The following PRELID2 variants were observed in gnomAD, a reference collection of about 807,000 sequenced individuals.
PRELID2 encodes the protein PRELI domain containing 2.
Under a neutral mutation model 28.4 loss-of-function variants are expected in PRELID2, and 25 were observed. That is an observed-to-expected ratio of 0.88 (90% confidence interval 0.64 to 1.23). The LOEUF (loss-of-function observed/expected upper bound fraction) is 1.23, where lower values mean the gene tolerates loss of function less well. Ranked by LOEUF, PRELID2 falls within the 50% of genes most tolerant of loss-of-function variation. PRELID2 has a pLI of 0.00. For missense variants in PRELID2, 201 were observed against 214.4 expected (o/e 0.94, Z 0.39); for synonymous variants, 76 against 71.6 (o/e 1.06, Z -0.31).
the PRELID2 span, among the ~76,000 whole-genome samples, chr5:145,430,369 T>C: frequency 7.2e-5 from 11 of 152,302 alleles, no homozygotes; most frequent in African/African-American, 2.4e-4. Flanking sequence ...TTGCTCATGG[T>C]ACACAACTTA....
chr5:145,291,143 T>C, the PRELID2 span, among the ~76,000 whole-genome samples: 26 of 151,280 alleles, frequency 1.7e-4, no homozygotes, highest in Non-Finnish European at 3.5e-4. Context: ...ATCAAGACCA[T>C]CCTGGCCAAC....
At chr5:145,335,402 T>TC in the PRELID2 span, among the ~76,000 whole-genome samples, 3 of 152,092 alleles carry the variant, frequency 2.0e-5, no homozygotes, top group Non-Finnish European at 4.4e-5. Flanking sequence ...TGTGTTCTCT[T>TC]GCAGCTGACT....
At chr5:145,827,776 G>GC in intron 1 of PRELID2, among the ~76,000 whole-genome samples, 1 of 152,290 alleles carries the variant, frequency 6.6e-6, no homozygotes, top group Non-Finnish European at 1.5e-5. Context: ...GTCCGGAAAT[G>GC]CAAGGAAAGA....
chr5:145,426,562 T>C, the PRELID2 span, among the ~76,000 whole-genome samples: 1 of 152,202 alleles, frequency 6.6e-6, no homozygotes, highest in Non-Finnish European at 1.5e-5. Context: ...ATAATAACAA[T>C]AGTCAACATT....
intron 1 of PRELID2, among the ~76,000 whole-genome samples, chr5:145,492,977 C>A (rs1446485298): frequency 7.1e-6 from 1 of 140,644 alleles, no homozygotes; most frequent in East Asian, 2.0e-4. Context: ...GTTCTGTATT[C>A]ACTTCCCTCT....
At chr5:145,648,524 T>C (rs941587756) in intron 1 of PRELID2, among the ~76,000 whole-genome samples, 2 of 151,584 alleles carry the variant, frequency 1.3e-5, no homozygotes, top group Non-Finnish European at 2.9e-5. Context: ...AAGTCAGTTG[T>C]CAGTTTTATT....
intron 1 of PRELID2, among the ~76,000 whole-genome samples, chr5:145,660,253 T>C (rs1273450316): frequency 1.3e-5 from 2 of 152,162 alleles, no homozygotes; most frequent in Non-Finnish European, 2.9e-5. Flanking sequence ...CTGGGAAACA[T>C]GCCTTCCCTA....
chr5:145,517,516 T>C (rs1363812958), intron 1 of PRELID2, among the ~76,000 whole-genome samples: 1 of 152,092 alleles, frequency 6.6e-6, no homozygotes, highest in African/African-American at 2.4e-5. Flanking sequence ...TGGAGATATA[T>C]ATAGGAACAA....
intron 5 of PRELID2, among the ~76,000 whole-genome samples, chr5:145,789,695 T>C (rs971431280): frequency 3.3e-5 from 5 of 151,870 alleles, no homozygotes; most frequent in African/African-American, 1.2e-4. Flanking sequence ...ATTAATGGAG[T>C]GAAGAGACAA....
At chr5:145,297,952 G>A in the PRELID2 span, among the ~76,000 whole-genome samples, 2 of 152,084 alleles carry the variant, frequency 1.3e-5, no homozygotes, top group Non-Finnish European at 2.9e-5. Flanking sequence ...ACAAACCACT[G>A]CTCCAGGAAA....
intron 1 of PRELID2, among the ~76,000 whole-genome samples, chr5:145,509,432 ATTTT>A (rs1394708175): frequency 6.6e-6 from 1 of 152,204 alleles, no homozygotes; most frequent in Non-Finnish European, 1.5e-5. Flanking sequence ...TCTAAGTGGC[ATTTT>A]AGAGAGGCAA....
intron 1 of PRELID2, among the ~76,000 whole-genome samples, chr5:145,526,253 A>C (rs1752604604): frequency 6.6e-6 from 1 of 152,230 alleles, no homozygotes; most frequent in Admixed American, 6.5e-5. Context: ...TGTGCTAAGT[A>C]GCAGAGATGG....
intron 1 of PRELID2, among the ~76,000 whole-genome samples, chr5:145,586,957 AC>A (rs1466357112): frequency 2.0e-5 from 3 of 152,132 alleles, no homozygotes; most frequent in African/African-American, 7.2e-5. Context: ...CAGGGGAGGA[AC>A]TAAATATAAA....
the PRELID2 span, among the ~76,000 whole-genome samples, chr5:145,367,117 T>C: frequency 1.3e-5 from 2 of 151,232 alleles, no homozygotes; most frequent in African/African-American, 2.4e-5. Context: ...CACTTTTCCT[T>C]AAAAATTGTC....
In PRELID2 at chr5:145,756,723, G is replaced by A. The variant is rs568427481; in HGVS notation, c.*3813C>T. The stretch of plus-strand genomic sequence containing the variant: ...CAAAGTACATTCATTTTTATTGCTA[G>A]AACAGCCTCTCAAAACCTCATTCAA... On this transcript the variant is annotated 3_prime_UTR_variant, in exon 7 of 7. Transcript: ENST00000683046. 8.5e-5 allele frequency among the ~76,000 whole-genome samples: 13 copies of A among 152,294 alleles called. No homozygotes were observed. The highest frequency in any genetic ancestry group is 2.6e-4 in the African/African-American group (11 of 41,560).
the PRELID2 span, among the ~76,000 whole-genome samples, chr5:145,250,140 G>C: frequency 6.6e-6 from 1 of 152,176 alleles, no homozygotes; most frequent in South Asian, 2.1e-4. Context: ...TGTTCTTTCA[G>C]GGGAGAAACC....
chr5:145,417,896 G>T, the PRELID2 span, among the ~76,000 whole-genome samples: 1 of 152,144 alleles, frequency 6.6e-6, no homozygotes, highest in Non-Finnish European at 1.5e-5. Context: ...GTTCTGGACA[G>T]GGAAATCAAG....
intron 1 of PRELID2, among the ~76,000 whole-genome samples, chr5:145,647,875 C>T (rs1754224598): frequency 6.6e-6 from 1 of 152,148 alleles, no homozygotes; most frequent in Admixed American, 6.5e-5. Context: ...CACCAACTGT[C>T]CAACAAGTCC....
chr5:145,594,083 T>C (rs948132388), intron 1 of PRELID2, among the ~76,000 whole-genome samples: 2 of 152,172 alleles, frequency 1.3e-5, no homozygotes, highest in Admixed American at 1.3e-4. Context: ...GTTTAGTGAA[T>C]GGGGTATATA....
Sources: gnomAD v4.1 joint callset for allele counts (sites outside exome capture counted in the v4.1 genomes callset) on GRCh38, gnomAD v4.1.1 for gene constraint, MANE v1.5 for transcripts, NCBI Gene and HGNC (gene_info 2026-07-23, HGNC 2026-07-21) for gene names.